GSE1: variants seen among roughly 807,000 people sequenced by gnomAD.
The protein encoded by GSE1 is genetic suppressor element 1.
GSE1 carries 32 observed loss-of-function variants against 112.6 expected under a neutral mutation model. The observed-to-expected ratio is 0.28, with a 90% confidence interval of 0.21 to 0.38. The LOEUF (loss-of-function observed/expected upper bound fraction) is 0.38. Among genes scored for constraint, GSE1 ranks in the 10% least tolerant of loss-of-function variants. The pLI is 1.00. For missense variants in GSE1, 2,348 were observed against 1,699.2 expected (o/e 1.38, Z -6.71); for synonymous variants, 1,115 against 735.6 (o/e 1.52, Z -8.35).
At chr16:85,370,394 C>T (rs975930075) in intron 2 of GSE1, among the ~76,000 whole-genome samples, 1 of 152,180 alleles carries the variant, frequency 6.6e-6, no homozygotes, top group African/African-American at 2.4e-5. Context: ...CTGCTCAACC[C>T]GTCTATCCCC....
chr16:85,671,042 G>A lies in GSE1; in HGVS notation c.3463G>A (p.Glu1155Lys). 1 of 1,613,164 alleles carries A rather than the reference G, an allele frequency of 6.2e-7. No homozygotes were observed. The highest frequency in any genetic ancestry group is 8.5e-7 in the Non-Finnish European group (1 of 1,179,174). The change falls in exon 15 of 16, where the codon GAG becomes AAG. Residue 1155 changes from glutamate to lysine, a missense_variant. Transcript: ENST00000253458. ...QVLQTQCRRL[E>K]ARHYSLSLTA... ...GTTACAGACACAATGTAGACGACTG[G>A]AGGCCCGGCACTACAGCCTCAGCCT...
intron 2 of GSE1, among the ~76,000 whole-genome samples, chr16:85,527,928 G>A (rs1598074835): frequency 6.6e-6 from 1 of 152,228 alleles, no homozygotes; most frequent in African/African-American, 2.4e-5. Context: ...TAGGTGGGGA[G>A]GAGAAGGCCG....
intron 1 of GSE1, among the ~76,000 whole-genome samples, chr16:85,236,574 G>A (rs1246638682): frequency 3.9e-5 from 6 of 152,162 alleles, no homozygotes; most frequent in African/African-American, 1.4e-4. Flanking sequence ...AGAACAGTGT[G>A]TGCATAGGCC....
At chr16:85,264,643 G>A (rs560123742) in intron 1 of GSE1, among the ~76,000 whole-genome samples, 2 of 152,274 alleles carry the variant, frequency 1.3e-5, no homozygotes, top group African/African-American at 4.8e-5. Context: ...ATCCCCCTGT[G>A]GACGGCGTCG....
intron 2 of GSE1, among the ~76,000 whole-genome samples, chr16:85,528,432 C>A (rs539339640): frequency 6.6e-6 from 1 of 152,100 alleles, no homozygotes; most frequent in African/African-American, 2.4e-5. Context: ...CCACCTCAGC[C>A]TCCCGGGTAG....
In GSE1 at chr16:85,444,928, C is replaced by T. The variant is rs116702529; in HGVS notation, c.2464+87285C>T. Among the ~76,000 whole-genome samples the T allele has an allele frequency of 3.5e-4, 53 of 152,290 alleles. No individual in the cohort carries two copies. The South Asian group carries it at 3.5e-3, about 10-fold the overall frequency. ...CCCGCGGCGCTGGCTGTGCCTCCCC[C>T]GCCTCCCCACTGCCCACGTTGTCAC... On this transcript the variant is annotated intron_variant, in intron 2 of 2. Coordinates refer to the GSE1 transcript ENST00000637419.
At chr16:85,564,896 G>A (rs992584745) in intron 1 of GSE1, among the ~76,000 whole-genome samples, 13 of 152,180 alleles carry the variant, frequency 8.5e-5, no homozygotes, top group African/African-American at 2.4e-4. Context: ...GGAGTGTGGC[G>A]GACGGGCCCC....
At chr16:85,338,255 G>A (rs568970411) in intron 1 of GSE1, among the ~76,000 whole-genome samples, 10 of 152,280 alleles carry the variant, frequency 6.6e-5, no homozygotes, top group African/African-American at 2.4e-4. Flanking sequence ...GCCTTTTTCC[G>A]TATCTTGCCT....
intron 2 of GSE1, among the ~76,000 whole-genome samples, chr16:85,427,215 T>C (rs370160287): frequency 2.6e-5 from 4 of 152,088 alleles, no homozygotes; most frequent in East Asian, 1.9e-4. Context: ...CCCTCCAGGG[T>C]GCCTGAGTTC....
intron 1 of GSE1, among the ~76,000 whole-genome samples, chr16:85,347,044 C>G (rs888657507): frequency 1.2e-4 from 18 of 152,098 alleles, no homozygotes; most frequent in African/African-American, 4.3e-4. Context: ...AGGGTCAGAA[C>G]TTTGGTAAGG....
At chr16:85,569,192 AC>A (rs1299794751) in intron 1 of GSE1, among the ~76,000 whole-genome samples, 1 of 151,916 alleles carries the variant, frequency 6.6e-6, no homozygotes, top group Non-Finnish European at 1.5e-5. Flanking sequence ...TGTCCTCCAC[AC>A]CTTTGGCCAG....
intron 1 of GSE1, among the ~76,000 whole-genome samples, chr16:85,211,969 C>T (rs570697968): frequency 9.8e-5 from 15 of 152,334 alleles, no homozygotes; most frequent in African/African-American, 3.4e-4. Flanking sequence ...CTTGAACCAT[C>T]GCCCATCAAA....
chr16:85,171,075 C>A, exon 1 of GSE1: 1 of 985,802 alleles, frequency 1.0e-6, no homozygotes, highest in Non-Finnish European at 1.2e-6. Flanking sequence ...GCCTCCTGCC[C>A]TGCCCGCCCA....
rs199663648 is a variant in GSE1 at position 85,341,504 on chromosome 16, A to T, written c.2284-15959A>T. Among the ~76,000 whole-genome samples the T allele has an allele frequency of 8.5e-5, 13 of 152,282 alleles. No individual in the cohort carries two copies. In the East Asian group the frequency reaches 2.5e-3, roughly 29 times the overall value. ...GAAACCCCGTCTCTACTAAAAATAC[A>T]AAAATTAGCTGGGCTTGGTGGCAGG... On this transcript the variant is annotated intron_variant, in intron 1 of 2. Transcript: ENST00000637419.
chr16:85,170,610 A>C, exon 1 of GSE1: 10 of 985,458 alleles, frequency 1.0e-5, no homozygotes, highest in Non-Finnish European at 1.1e-5. Flanking sequence ...GCCGGGCGGC[A>C]CCAGCAGAAG....
intron 1 of GSE1, among the ~76,000 whole-genome samples, chr16:85,199,203 C>A (rs893303826): frequency 6.6e-6 from 1 of 152,236 alleles, no homozygotes; most frequent in Non-Finnish European, 1.5e-5. Flanking sequence ...ATGATCCGCC[C>A]GCCTCGGCTT....
At chr16:85,566,525 C>G (rs920151762) in intron 1 of GSE1, among the ~76,000 whole-genome samples, 1 of 152,136 alleles carries the variant, frequency 6.6e-6, no homozygotes, top group Non-Finnish European at 1.5e-5. Flanking sequence ...CCGGCCTCAG[C>G]GGAGAATTTC....
chr16:85,543,498 C>T (rs1360754326), intron 2 of GSE1, among the ~76,000 whole-genome samples: 4 of 152,204 alleles, frequency 2.6e-5, no homozygotes, highest in African/African-American at 9.6e-5. Flanking sequence ...CCCCATTCCC[C>T]ATGTTTTTTG....
chr16:85,170,496 C>T (rs944650278), exon 1 of GSE1: 2 of 985,720 alleles, frequency 2.0e-6, no homozygotes, highest in Admixed American at 1.2e-4. Context: ...ACAGTGACAT[C>T]AACATCACCA....
Sources: gnomAD v4.1 joint callset for allele counts (sites outside exome capture counted in the v4.1 genomes callset) on GRCh38, gnomAD v4.1.1 for gene constraint, MANE v1.5 for transcripts, NCBI Gene and HGNC (gene_info 2026-07-23, HGNC 2026-07-21) for gene names.